Variants in ADAM7 observed in about 807,000 individuals in gnomAD.
ADAM7 encodes the protein ADAM metallopeptidase domain 7, also known as disintegrin and metalloproteinase domain-containing protein 7.
ADAM7 carries 97 observed loss-of-function variants against 102.9 expected under a neutral mutation model. That is an observed-to-expected ratio of 0.94 (90% CI 0.80 to 1.12). ADAM7 has a LOEUF of 1.12. ADAM7 is among the 50% of genes most tolerant of loss of function. The pLI is 0.00. For synonymous variants in ADAM7, 334 were observed against 304.4 expected (o/e 1.10, Z -1.01); for missense variants, 991 against 908.7 (o/e 1.09, Z -1.16).
chr8:24,477,954 CTCTT>C (rs1256883414), intron 8 of ADAM7, among the ~76,000 whole-genome samples: 1 of 152,140 alleles, frequency 6.6e-6, no homozygotes, highest in African/African-American at 2.4e-5. Context: ...CACTCACTCT[CTCTT>C]ATAGTTTCCA....
chr8:24,443,915 C>G lies in ADAM7; in HGVS notation c.156+1339C>G, dbSNP rs568371361. ...TGCCACTGTGCTCCAGCCTGGGCAA[C>G]AGAGCAAGACTCTCTCAAAAAATAA... On this transcript the variant is annotated intron_variant, in intron 2 of 21. Transcript: ENST00000175238. 2.0e-5 allele frequency among the ~76,000 whole-genome samples: 3 copies of G among 150,812 alleles called. No individual in the cohort carries two copies. In the South Asian group the frequency reaches 6.3e-4, roughly 32 times the overall value.
At position 24,482,311 on chromosome 8, in the gene ADAM7, G is replaced by T. The variant is rs145549411; in HGVS notation, c.875G>T (p.Ser292Ile). The change falls in exon 9 of 22, where the codon AGT becomes ATT. Residue 292 changes from serine to isoleucine, a missense_variant and splice_region_variant. By Grantham distance (142) the Ser-to-Ile change is moderately radical. Transcript: ENST00000175238. ...GATTTTGATCATGTTGTATTACTCA[G>T]GTTGGTGATTGCTCTATTTTCTTGC... ...RKDFDHVVLL[S>I]GKWLYSHVQG... 662 of 1,602,952 alleles carry T rather than the reference G, an allele frequency of 4.1e-4. No individual in the cohort carries two copies. The highest frequency in any genetic ancestry group is 4.8e-4 in the Non-Finnish European group (564 of 1,176,816).
chr8:24,492,431 G>A, intron 14 of ADAM7, 64 bp from the exon 15 acceptor site: 1 of 1,142,234 alleles, frequency 8.8e-7, no homozygotes, highest in Non-Finnish European at 1.3e-6. Context: ...AGAAAAATAA[G>A]GTCTTTTATG....
At chr8:24,451,242 T>C (rs911700171) in intron 3 of ADAM7, among the ~76,000 whole-genome samples, 2 of 152,092 alleles carry the variant, frequency 1.3e-5, no homozygotes, top group African/African-American at 4.8e-5. Context: ...TTCCTCCTTG[T>C]ACCTCTGGTA....
At chr8:24,460,083 AT>A (rs36067284) in intron 3 of ADAM7, among the ~76,000 whole-genome samples, 9,897 of 151,818 alleles carry the variant, frequency 0.065, 489 homozygotes, top group African/African-American at 0.13. Flanking sequence ...GATTTGTTTG[AT>A]TTTTTTAAAA....
intron 3 of ADAM7, among the ~76,000 whole-genome samples, chr8:24,449,551 C>A (rs928278305): frequency 1.1e-4 from 16 of 151,980 alleles, no homozygotes; most frequent in Admixed American, 8.5e-4. Flanking sequence ...GGATATTAGC[C>A]CTTTGTCAGA....
chr8:24,458,581 C>T (rs1223487226), intron 3 of ADAM7, among the ~76,000 whole-genome samples: 2 of 152,018 alleles, frequency 1.3e-5, no homozygotes, highest in Non-Finnish European at 2.9e-5. Context: ...AGGAAATTTA[C>T]CATCTTGTCA....
At chr8:24,452,762 T>A (rs1293901095) in intron 3 of ADAM7, among the ~76,000 whole-genome samples, 5 of 151,832 alleles carry the variant, frequency 3.3e-5, no homozygotes, top group Non-Finnish European at 7.4e-5. Context: ...TCTTTACAAT[T>A]TGGCATGATT....
chr8:24,489,236 T>C lies in ADAM7; in HGVS notation c.1169T>C (p.Met390Thr). ...TTGAAGGATTATAAGCCAACATGCA[T>C]GCTCAACATTCCATTTCCTTACAAT... ...QYLKDYKPTCMLNIPFPYNFH... is the reference protein window; with the variant it reads ...QYLKDYKPTCTLNIPFPYNFH... Residue 390 changes from methionine (M) to threonine (T), a missense_variant, in exon 12 of 22, where the codon ATG becomes ACG. Coordinates refer to ENST00000175238, the MANE Select transcript of ADAM7 (RefSeq NM_003817.4). 2 of 1,613,722 alleles carry C rather than the reference T, an allele frequency of 1.2e-6. No individual in the cohort carries two copies. The highest frequency in any genetic ancestry group is 1.3e-5 in the African/African-American group (1 of 75,034).
chr8:24,479,952 C>T (rs904082611), intron 8 of ADAM7, among the ~76,000 whole-genome samples: 2 of 152,154 alleles, frequency 1.3e-5, no homozygotes, highest in Admixed American at 1.3e-4. Context: ...ATAGAGGCAA[C>T]ATTCTTTCTA....
At chr8:24,488,589 C>T (rs888128631) in intron 11 of ADAM7, among the ~76,000 whole-genome samples, 2 of 151,950 alleles carry the variant, frequency 1.3e-5, no homozygotes, top group Non-Finnish European at 2.9e-5. Context: ...TAAAGACCTA[C>T]TGTATTGAAC....
At chr8:24,496,989 C>A (rs1820580231) in intron 16 of ADAM7, among the ~76,000 whole-genome samples, 1 of 152,114 alleles carries the variant, frequency 6.6e-6, no homozygotes, top group Non-Finnish European at 1.5e-5. Context: ...GTGTCTCCAC[C>A]CAAATCTCAT....
chr8:24,448,110 A>C (rs1818635232), intron 3 of ADAM7, among the ~76,000 whole-genome samples: 2 of 152,182 alleles, frequency 1.3e-5, no homozygotes. Flanking sequence ...AGCATGAAAG[A>C]AGCAAAGATT....
chr8:24,460,747 A>T (rs1819210555), intron 3 of ADAM7, among the ~76,000 whole-genome samples: 1 of 109,832 alleles, frequency 9.1e-6, no homozygotes, highest in Non-Finnish European at 1.9e-5. Flanking sequence ...ATATATATGT[A>T]TGTATGTGTG....
At chr8:24,447,285 T>C in intron 3 of ADAM7, 23 bp downstream of exon 3, 2 of 1,336,416 alleles carry the variant, frequency 1.5e-6, no homozygotes, top group Non-Finnish European at 2.0e-6. Flanking sequence ...GTGATTCCAG[T>C]ACCTTATAGA....
intron 10 of ADAM7, among the ~76,000 whole-genome samples, chr8:24,486,312 T>C (rs1475247034): frequency 6.6e-6 from 1 of 152,228 alleles, no homozygotes; most frequent in East Asian, 1.9e-4. Context: ...AATGGAACTA[T>C]GAGCCAAGTT....
intron 3 of ADAM7, among the ~76,000 whole-genome samples, chr8:24,449,810 C>T (rs368571573): frequency 2.6e-5 from 4 of 152,026 alleles, no homozygotes; most frequent in Admixed American, 2.0e-4. Flanking sequence ...TTAATCCATC[C>T]TGAATTAATT....
rs775791879 is a variant in ADAM7 at position 24,500,878 on chromosome 8, G to T, written c.2091G>T (p.Lys697Asn). 1 of 1,611,770 alleles carries T rather than the reference G, an allele frequency of 6.2e-7. No individual in the cohort carries two copies. Among genetic ancestry groups the T allele is most frequent in the African/African-American group, 1.3e-5 (1 of 74,948 alleles). The part of the protein sequence containing the change: ...ILLVRYRKCI[K>N]LKQVQSPPTE... ...TAGTTCGTTACCGAAAATGTATCAA[G>T]TTGAAGCAAGTTCAGAGGTACATTT... Residue 697 changes from lysine (K) to asparagine (N), a missense_variant, in exon 19 of 22, where the codon AAG becomes AAT. By Grantham distance (94) the Lys-to-Asn change is moderately conservative (BLOSUM62 0). Transcript: ENST00000175238.
chr8:24,482,335 G>T, intron 9 of ADAM7, 24 bp downstream of exon 9: 1 of 1,588,820 alleles, frequency 6.3e-7, no homozygotes, highest in Non-Finnish European at 8.5e-7. Flanking sequence ...CTATTTTCTT[G>T]CATACCTTTG....
Sources: gnomAD v4.1 joint callset for allele counts (sites outside exome capture counted in the v4.1 genomes callset) on GRCh38, gnomAD v4.1.1 for gene constraint, MANE v1.5 for transcripts, NCBI Gene and HGNC (gene_info 2026-07-23, HGNC 2026-07-21) for gene names.